Variants in SH3TC1 observed in about 807,000 individuals in gnomAD.
SH3TC1 encodes the protein SH3 domain and tetratricopeptide repeats 1, also known as SH3 domain and tetratricopeptide repeat-containing protein 1.
A neutral mutation model predicts 117.3 loss-of-function variants in SH3TC1; 135 were observed. The observed-to-expected ratio is 1.15, with a 90% CI of 1.00 to 1.33. SH3TC1 has a LOEUF of 1.33. SH3TC1 is among the 40% of genes most tolerant of loss of function. SH3TC1 has a pLI of 0.00. For synonymous variants in SH3TC1, 898 were observed against 816.9 expected (o/e 1.10, Z -1.69); for missense variants, 2,092 against 1,794.3 (o/e 1.17, Z -3.00).
intron 13 of SH3TC1, chr4:8,232,936 CCAGGCCCGTG>C (rs1721381211): frequency 8.4e-7 from 1 of 1,193,178 alleles, no homozygotes. Context: ...AGGGCCCGCC[CCAGGCCCGTG>C]GAGCCAGAAG....
At position 8,240,792 on chromosome 4, in the gene SH3TC1, T is replaced by C. The variant is rs1722263440; in HGVS notation, c.3848T>C (p.Leu1283Pro). The change falls in exon 18 of 18, where the codon CTG becomes CCG. Residue 1283 changes from leucine (L) to proline (P), a missense_variant. Leu to Pro is a moderately conservative substitution (Grantham distance 98). Coordinates refer to ENST00000245105, the MANE Select transcript of SH3TC1 (RefSeq NM_018986.5). ...KKAQLKIYTRLATIYHNFLLD... is the reference protein window; with the variant it reads ...KKAQLKIYTRPATIYHNFLLD... ...GCACAGCTGAAGATCTACACGCGGCTGGCCACCATCTACCACAACTTCCTC... is the reference window on the plus strand; with the variant it reads ...GCACAGCTGAAGATCTACACGCGGCCGGCCACCATCTACCACAACTTCCTC... 5 of 1,614,144 alleles carry C rather than the reference T, an allele frequency of 3.1e-6. No individual in the cohort carries two copies. Among genetic ancestry groups the C allele is most frequent in the South Asian group, 2.2e-5 (2 of 91,090 alleles).
At chr4:8,187,829 C>T (rs529542806) in intron 1 of SH3TC1, among the ~76,000 whole-genome samples, 45 of 152,296 alleles carry the variant, frequency 3.0e-4, no homozygotes, top group South Asian at 1.2e-3. Context: ...GGATTACAGG[C>T]GTGAGCCACC....
chr4:8,237,052 G>C (rs540107297), intron 16 of SH3TC1: 1 of 174,388 alleles, frequency 5.7e-6, no homozygotes, highest in Non-Finnish European at 1.1e-5. Context: ...GCGCATCTGT[G>C]GGGGGACCTG....
rs554581794 is a variant in SH3TC1 at position 8,235,426 on chromosome 4, C to T, written c.3283-7C>T. 1.3e-6 allele frequency: 2 copies of T among 1,495,442 alleles called. No individual in the cohort carries two copies. Among genetic ancestry groups the T allele is most frequent in the African/African-American group, 2.8e-5 (2 of 71,344 alleles). The allele number at this position is 1,495,442 out of a possible 1,614,324, so 92.6% of individuals were successfully genotyped here. ...TGGGTCTTGAGGGAACTTCTGCCTC[C>T]TTTCAGGTGGCACAGAACGTGGCCC... On this transcript the variant is annotated splice_polypyrimidine_tract_variant and splice_region_variant and intron_variant, in intron 14 of 17. Transcript: ENST00000245105.
chr4:8,211,766 G>A (rs1718753391), intron 3 of SH3TC1, among the ~76,000 whole-genome samples: 1 of 152,050 alleles, frequency 6.6e-6, no homozygotes, highest in African/African-American at 2.4e-5. Context: ...CAGACATTGA[G>A]GAGGGGGCTG....
chr4:8,214,408 G>A (rs1418395587), intron 4 of SH3TC1, 67 bp from the exon 5 acceptor site: 9 of 1,421,590 alleles, frequency 6.3e-6, no homozygotes, highest in African/African-American at 1.4e-5. Flanking sequence ...TCATGTGGAC[G>A]CTGTCCTCCT....
At chr4:8,204,787 C>T (rs1039582137) in intron 1 of SH3TC1, 16 of 165,302 alleles carry the variant, frequency 9.7e-5, no homozygotes, top group East Asian at 3.4e-4. Context: ...TGACAGGCGA[C>T]GGAGCACTGT....
chr4:8,218,199 C>T, intron 7 of SH3TC1, 72 bp from the exon 8 acceptor site: 1 of 1,222,804 alleles, frequency 8.2e-7, no homozygotes, highest in Non-Finnish European at 1.2e-6. Flanking sequence ...CTGGCCTGTC[C>T]AGTCTCTGCA....
chr4:8,237,457 C>T lies in SH3TC1; in HGVS notation c.3557-17C>T. 1 of 1,508,144 alleles carries T rather than the reference C, an allele frequency of 6.6e-7. No homozygotes were observed. 93.4% of individuals were successfully genotyped at this position (1,508,144 alleles called of 1,614,324 possible). On this transcript the variant is annotated splice_polypyrimidine_tract_variant and intron_variant, in intron 16 of 17. Transcript: ENST00000245105. ...GGAGCCACGTCCTCACACCTGCCCC[C>T]TTGGCCTGCACCCCAGGGGACCGGC...
intron 1 of SH3TC1, among the ~76,000 whole-genome samples, chr4:8,187,554 CTT>C (rs764585932): frequency 2.7e-4 from 38 of 139,796 alleles, no homozygotes; most frequent in Admixed American, 2.9e-4. Context: ...CTTTTCTTTT[CTT>C]TTTTTTTTTT....
rs370963903 is a variant in SH3TC1 at position 8,233,354 on chromosome 4, T to A, written c.3132-9T>A. The A allele has an allele frequency of 3.7e-5, 60 of 1,600,212 alleles. No individual in the cohort carries two copies. The highest frequency in any genetic ancestry group is 5.0e-5 in the Non-Finnish European group (59 of 1,172,712). On this transcript the variant is annotated splice_polypyrimidine_tract_variant and intron_variant, in intron 13 of 17. Transcript: ENST00000245105. The stretch of plus-strand genomic sequence containing the variant: ...CAGCCCTTGTTCTGACACCTGTGTC[T>A]GATACCAGGGCCTACAAATCCGCAC...
At chr4:8,215,807 G>C (rs950204752) in intron 5 of SH3TC1, among the ~76,000 whole-genome samples, 1 of 152,232 alleles carries the variant, frequency 6.6e-6, no homozygotes, top group Non-Finnish European at 1.5e-5. Flanking sequence ...GGCCTGCACG[G>C]CCCCCGACCA....
At chr4:8,212,449 T>C (rs1327420788) in intron 3 of SH3TC1, among the ~76,000 whole-genome samples, 2 of 152,270 alleles carry the variant, frequency 1.3e-5, no homozygotes, top group East Asian at 3.9e-4. Flanking sequence ...ATGAGTCCAC[T>C]TGTCCCCACC....
At chr4:8,195,975 C>T (rs1025631430), upstream of SH3TC1, among the ~76,000 whole-genome samples, 1 of 152,188 alleles carries the variant, frequency 6.6e-6, no homozygotes, top group African/African-American at 2.4e-5. Flanking sequence ...GTGACGAGGC[C>T]AGGGCACTGG....
chr4:8,230,282 A>C (rs537073003), intron 12 of SH3TC1, among the ~76,000 whole-genome samples: 1 of 152,262 alleles, frequency 6.6e-6, no homozygotes, highest in East Asian at 1.9e-4. Flanking sequence ...GATTTTAGAA[A>C]CTTGGGTTTT....
chr4:8,239,010 G>A (rs1332851614), intron 17 of SH3TC1, among the ~76,000 whole-genome samples: 2 of 152,176 alleles, frequency 1.3e-5, no homozygotes, highest in Non-Finnish European at 2.9e-5. Flanking sequence ...GCCGGATCCA[G>A]GGCCCAGAGA....
rs145315774 is a variant in SH3TC1, at chr4:8,238,988, T to C, written c.3753+1318T>C. On this transcript the variant is annotated intron_variant, in intron 17 of 17. Transcript: ENST00000245105. ...TCTTTCCAAGGCCACACCCTCCTCC[T>C]TGTGTAGAGGTGCCGGATCCAGGGC... Among the ~76,000 whole-genome samples the C allele has an allele frequency of 7.4e-3, 1,122 of 152,222 alleles. 12 individuals are homozygous for C. Among genetic ancestry groups the C allele is most frequent in the African/African-American group, 0.025 (1,032 of 41,556 alleles).
At position 8,228,421 on chromosome 4, in the gene SH3TC1, C is replaced by T. The variant is rs147408044; in HGVS notation, c.2727C>T (p.Phe909=). 6.5e-4 allele frequency: 1,045 copies of T among 1,605,914 alleles called. 3 individuals carry two copies. The highest frequency in any genetic ancestry group is 8.5e-4 in the South Asian group (77 of 90,442). The part of the protein sequence containing the change: ...QRNQAVGLAN[F]GALCLHAGAS... ...ACCAGGCAGTGGGGCTGGCCAACTTCGGGGCCCTGTGCCTGCATGCGGGTG... is the reference window on the plus strand; with the variant it reads ...ACCAGGCAGTGGGGCTGGCCAACTTTGGGGCCCTGTGCCTGCATGCGGGTG... Residue 909 remains phenylalanine (F), a synonymous_variant, in exon 12 of 18, where the codon TTC becomes TTT. Coordinates refer to ENST00000245105, the MANE Select transcript of SH3TC1 (RefSeq NM_018986.5).
Position 8,212,743 on chromosome 4 carries a change from T to C in SH3TC1, c.290T>C (p.Leu97Pro), listed in dbSNP as rs1718862427. The change falls in exon 4 of 18, where the codon CTG becomes CCG. Residue 97 changes from leucine (L) to proline (P), a missense_variant. Physicochemically the swap from Leu to Pro is moderately conservative, Grantham distance 98. Transcript: ENST00000245105. ...CTGGCTGTGCGGAGGAAGAGCAGAC[T>C]GCGGGACCCCGGCCTACAGCAGACC... ...QLLAVRRKSR[L>P]RDPGLQQTLR... The C allele has an allele frequency of 6.2e-7, 1 of 1,612,880 alleles. No individual in the cohort carries two copies. The highest frequency in any genetic ancestry group is 8.5e-7 in the Non-Finnish European group (1 of 1,179,922).
Sources: allele counts gnomAD v4.1 joint callset (sites outside exome capture counted in the v4.1 genomes callset), GRCh38; gene constraint gnomAD v4.1.1; transcripts MANE v1.5; gene names NCBI Gene and HGNC (gene_info 2026-07-23, HGNC 2026-07-21).